KCNG2: variants seen among roughly 807,000 people sequenced by gnomAD.
KCNG2 encodes the protein voltage-gated potassium channel regulatory subunit KCNG2.
A neutral mutation model predicts 12.3 loss-of-function variants in KCNG2; 7 were observed. The observed-to-expected ratio is 0.57, with a 90% CI of 0.32 to 1.07. The LOEUF is 1.07. KCNG2 is among the 50% of genes least tolerant of loss of function. The pLI is 0.04. For missense variants in KCNG2, 703 were observed against 726.0 expected (o/e 0.97, Z 0.36); for synonymous variants, 414 against 351.4 (o/e 1.18, Z -1.99).
At position 79,803,156 on chromosome 18, in the gene KCNG2, T is replaced by C. The variant is rs111380039; in HGVS notation, c.-115+5142T>C. Among the ~76,000 whole-genome samples the C allele has an allele frequency of 7.7e-3, 1,179 of 152,212 alleles. 18 individuals are homozygous for C. Among genetic ancestry groups the C allele is most frequent in the African/African-American group, 0.027 (1,102 of 41,520 alleles). On this transcript the variant is annotated intron_variant, in intron 1 of 3. Coordinates refer to ENST00000316249, the MANE Select transcript of KCNG2 (RefSeq NM_012283.2). The surrounding 1 kb of genome is among the most constrained non-coding windows in gnomAD (Gnocchi z 4.5). ...TCGCGCCACTGCACTCCAGCCTGGG[T>C]GACAGAGCAAGACTCTGTCTCAAAA...
chr18:79,835,403 C>T (rs1451377382), intron 1 of KCNG2, among the ~76,000 whole-genome samples: 1 of 152,094 alleles, frequency 6.6e-6, no homozygotes, highest in Non-Finnish European at 1.5e-5. Context: ...TTAAAACAGC[C>T]GTTGTAAAAA....
chr18:79,818,886 G>A lies in KCNG2; in HGVS notation c.-115+20872G>A, dbSNP rs369894158. Reference sequence around the variant, plus strand: ...CAGAAGCACCCGGCAGCCATGAAGAGCCGAAGGTCCGCAGGTCTGGCCGAG... The same window carrying A: ...CAGAAGCACCCGGCAGCCATGAAGAACCGAAGGTCCGCAGGTCTGGCCGAG... On this transcript the variant is annotated intron_variant, in intron 1 of 3. Transcript: ENST00000316249. Among the ~76,000 whole-genome samples, 12 of 152,318 alleles carry A rather than the reference G, an allele frequency of 7.9e-5. No individual in the cohort carries two copies. The East Asian group carries it at 2.3e-3, about 29-fold the overall frequency.
chr18:79,856,732 G>C (rs1979021737), intron 2 of KCNG2, among the ~76,000 whole-genome samples: 1 of 152,094 alleles, frequency 6.6e-6, no homozygotes, highest in South Asian at 2.1e-4. Context: ...AGCTGGGTTT[G>C]CACGCTAGGC....
chr18:79,811,731 G>A (rs2087495496), intron 1 of KCNG2, among the ~76,000 whole-genome samples: 1 of 152,088 alleles, frequency 6.6e-6, no homozygotes, highest in Admixed American at 6.5e-5. Flanking sequence ...GTATTTTCCT[G>A]AAACAAATGA....
chr18:79,850,197 TATAA>T (rs765408926), intron 1 of KCNG2, among the ~76,000 whole-genome samples: 9 of 151,952 alleles, frequency 5.9e-5, no homozygotes, highest in Non-Finnish European at 1.0e-4. Flanking sequence ...TACATGGATA[TATAA>T]ATAAATATCA....
At chr18:79,840,231 A>G (rs955309176) in intron 1 of KCNG2, among the ~76,000 whole-genome samples, 8 of 152,234 alleles carry the variant, frequency 5.3e-5, no homozygotes, top group African/African-American at 1.7e-4. Flanking sequence ...GAAATCTACA[A>G]AAAGCCAAAA....
At chr18:79,896,811 T>C (rs192712613) in intron 3 of KCNG2, among the ~76,000 whole-genome samples, 13 of 152,360 alleles carry the variant, frequency 8.5e-5, no homozygotes, top group Admixed American at 2.6e-4. Context: ...GGAAAGTGTT[T>C]ATTTTTTACT....
rs766009096 is a variant in KCNG2, at chr18:79,899,371, C to T, written c.956C>T (p.Ala319Val). 40 of 1,557,636 alleles carry T rather than the reference C, an allele frequency of 2.6e-5. No individual in the cohort carries two copies. Among genetic ancestry groups the T allele is most frequent in the Admixed American group, 5.7e-5 (3 of 53,086 alleles). ...CTGGGCCTGACCATGCGCCGCTGCGCGCGCGAGTTCGGGCTGCTGCTGCTG... is the reference window on the plus strand; with the variant it reads ...CTGGGCCTGACCATGCGCCGCTGCGTGCGCGAGTTCGGGCTGCTGCTGCTG... The part of the protein sequence containing the change: ...RSLGLTMRRC[A>V]REFGLLLLFL... Residue 319 changes from alanine (A) to valine (V), a missense_variant, in exon 4 of 4, where the codon GCG (alanine) becomes GTG (valine). Physicochemically the swap from Ala to Val is moderately conservative, Grantham distance 64. Transcript: ENST00000316249.
At chr18:79,895,151 G>A (rs1488546099) in intron 3 of KCNG2, among the ~76,000 whole-genome samples, 1 of 151,638 alleles carries the variant, frequency 6.6e-6, no homozygotes, top group African/African-American at 2.4e-5. Flanking sequence ...AATTGATATA[G>A]TTGGGTCTGT....
chr18:79,799,257 C>T (rs975734984), intron 1 of KCNG2, among the ~76,000 whole-genome samples: 9 of 152,218 alleles, frequency 5.9e-5, no homozygotes, highest in African/African-American at 2.4e-5. Context: ...CACAGGGGCA[C>T]GGACTCAGCC....
At chr18:79,819,357 C>T (rs1007136267) in intron 1 of KCNG2, among the ~76,000 whole-genome samples, 5 of 152,206 alleles carry the variant, frequency 3.3e-5, no homozygotes, top group South Asian at 2.1e-4. Context: ...GGTGGCTGTA[C>T]GGGTGAGGCT....
At chr18:79,870,979 G>A (rs989376613) in intron 3 of KCNG2, among the ~76,000 whole-genome samples, 5 of 152,154 alleles carry the variant, frequency 3.3e-5, no homozygotes, top group Admixed American at 3.3e-4. Flanking sequence ...GAGGCCCCAC[G>A]CTGCAGTCAG....
At chr18:79,843,995 C>G (rs1049515855) in intron 1 of KCNG2, among the ~76,000 whole-genome samples, 1 of 152,098 alleles carries the variant, frequency 6.6e-6, no homozygotes, top group African/African-American at 2.4e-5. Context: ...CTTGGTTTAG[C>G]TTTAAGGATA....
intron 1 of KCNG2, chr18:79,816,235 G>C (rs2087526753): frequency 1.3e-5 from 2 of 152,354 alleles, no homozygotes; most frequent in Admixed American, 1.3e-4. Flanking sequence ...CTTGCTGACA[G>C]GGTATTTGGT....
intron 3 of KCNG2, among the ~76,000 whole-genome samples, chr18:79,872,637 G>A (rs1979895408): frequency 6.6e-6 from 1 of 152,164 alleles, no homozygotes; most frequent in African/African-American, 2.4e-5. Flanking sequence ...TCTTGCTGCA[G>A]TACGAGGCGC....
At chr18:79,883,269 G>A in intron 3 of KCNG2, among the ~76,000 whole-genome samples, 1 of 152,208 alleles carries the variant, frequency 6.6e-6, no homozygotes, top group Admixed American at 6.5e-5. Context: ...CCGGCTGTGA[G>A]GCAGGGAACG....
intron 1 of KCNG2, among the ~76,000 whole-genome samples, chr18:79,828,367 GGT>G (rs567732494): frequency 6.6e-5 from 10 of 151,554 alleles, no homozygotes; most frequent in African/African-American, 1.5e-4. Context: ...TGTGTGTGCA[GGT>G]GTGTGTGTGT....
At chr18:79,834,939 T>G (rs1215489421) in intron 1 of KCNG2, among the ~76,000 whole-genome samples, 1 of 152,202 alleles carries the variant, frequency 6.6e-6, no homozygotes, top group East Asian at 1.9e-4. Flanking sequence ...ATTTCCCTCT[T>G]GTTTATACTG....
chr18:79,828,977 CTATG>C (rs1978288837), intron 1 of KCNG2, among the ~76,000 whole-genome samples: 1 of 104,670 alleles, frequency 9.6e-6, no homozygotes, highest in African/African-American at 3.7e-5. Flanking sequence ...ATGTGGGTGT[CTATG>C]TGTGCGTGTG....
Sources: allele counts gnomAD v4.1 joint callset (sites outside exome capture counted in the v4.1 genomes callset), GRCh38; gene constraint gnomAD v4.1.1; non-coding constraint Gnocchi (gnomAD v3.1); transcripts MANE v1.5; gene names NCBI Gene and HGNC (gene_info 2026-07-23, HGNC 2026-07-21).